Variants in SGIP1 observed in about 807,000 individuals in gnomAD.
The protein encoded by SGIP1 is SH3GL interacting endocytic adaptor 1, also known as SH3-containing GRB2-like protein 3-interacting protein 1.
A neutral mutation model predicts 107.5 loss-of-function variants in SGIP1; 38 were observed. The ratio of observed to expected loss-of-function variants is 0.35; its 90% CI spans 0.27 to 0.46. The LOEUF (loss-of-function observed/expected upper bound fraction) is 0.46, where lower values mean the gene tolerates loss of function less well. Ranked by LOEUF, SGIP1 falls within the 20% of genes least tolerant of loss-of-function variation. The pLI, the probability that SGIP1 is intolerant of heterozygous loss-of-function variation, is 1.00. For synonymous variants in SGIP1, 365 were observed against 366.1 expected (o/e 1.00, Z 0.03); for missense variants, 929 against 1,019.5 (o/e 0.91, Z 1.21).
chr1:66,711,805 A>G (rs603750), intron 18 of SGIP1, among the ~76,000 whole-genome samples: 88,882 of 150,184 alleles, frequency 0.59, 26,925 homozygotes, highest in East Asian at 1. Context: ...TTGTGTTTTC[A>G]GGGTGACTGT....
At position 66,677,106 on chromosome 1, in the gene SGIP1, G is replaced by A; in HGVS notation, c.739+10G>A. ...CCTTTTCCCACTGGAAGTAAGTTAT[G>A]TGTCTGCTCTGTCTGGAAAAATAAG... On this transcript the variant is annotated intron_variant, in intron 13 of 24. Coordinates refer to ENST00000371037, the MANE Select transcript of SGIP1 (RefSeq NM_032291.4). 5 of 1,605,364 alleles carry A rather than the reference G, an allele frequency of 3.1e-6. No homozygotes were observed. Among genetic ancestry groups the A allele is most frequent in the South Asian group, 1.1e-5 (1 of 90,364 alleles).
rs540411790 is a variant in SGIP1 at position 66,733,687 on chromosome 1, C to T, written c.1899-61C>T. On this transcript the variant is annotated intron_variant, in intron 20 of 24. Transcript: ENST00000371037. ...CAGACGACAATTTGCTAAGATGCTT[C>T]GTGTAGGGTTTATATTTGTTTTAAG... 2.7e-3 allele frequency: 4,198 copies of T among 1,545,946 alleles called. 7 individuals are homozygous for T. Among genetic ancestry groups the T allele is most frequent in the Non-Finnish European group, 3.4e-3 (3,876 of 1,142,092 alleles).
chr1:66,547,372 A>G (rs11208905), intron 1 of SGIP1, among the ~76,000 whole-genome samples: 22,026 of 152,228 alleles, frequency 0.14, 2,069 homozygotes, highest in East Asian at 0.43. Flanking sequence ...TGCAGTTTAA[A>G]GTGTGTTCAA....
At chr1:66,605,117 C>T (rs2066578103) in intron 1 of SGIP1, among the ~76,000 whole-genome samples, 1 of 152,176 alleles carries the variant, frequency 6.6e-6, no homozygotes, top group Admixed American at 6.5e-5. Flanking sequence ...GAAGTCCAAG[C>T]CACTTCCATG....
At chr1:66,717,794 T>A (rs2093327867) in intron 18 of SGIP1, among the ~76,000 whole-genome samples, 2 of 152,180 alleles carry the variant, frequency 1.3e-5, no homozygotes, top group Non-Finnish European at 1.5e-5. Context: ...CAACATTCAC[T>A]TCATACATTT....
In SGIP1 at chr1:66,671,985, G is replaced by C; in HGVS notation, c.550G>C (p.Glu184Gln). Residue 184 changes from glutamate (E) to glutamine (Q), a missense_variant, in exon 11 of 25, where the codon GAA becomes CAA. By Grantham distance (29) the Glu-to-Gln change is conservative (BLOSUM62 2). Coordinates refer to ENST00000371037, the MANE Select transcript of SGIP1 (RefSeq NM_032291.4). ...ARPRRSTPTP[E>Q]LISKKPPDDT... ...ACCCAGGCGTTCCACACCAACTCCA[G>C]AACTTATAAGGTGAGTGTGAAAGAC... 6.2e-7 allele frequency: 1 copy of C among 1,614,012 alleles called. No homozygotes were observed. The highest frequency in any genetic ancestry group is 1.6e-4 in the Middle Eastern group (1 of 6,062).
chr1:66,638,846 C>A lies in SGIP1; in HGVS notation c.172-931C>A, dbSNP rs148832740. On this transcript the variant is annotated intron_variant, in intron 4 of 24. Coordinates refer to ENST00000371037, the MANE Select transcript of SGIP1 (RefSeq NM_032291.4). ...AGAGGTCCTGTGTCCAAGCCTCATG[C>A]GTCACCATTTGATGTGTGTTGTTCT... Among the ~76,000 whole-genome samples, 34 of 152,280 alleles carry A rather than the reference C, an allele frequency of 2.2e-4. No individual in the cohort carries two copies. The East Asian group carries it at 2.7e-3, about 12-fold the overall frequency.
At chr1:66,682,405 G>A (rs1047909150) in intron 15 of SGIP1, 36 bp downstream of exon 15, 3 of 1,574,358 alleles carry the variant, frequency 1.9e-6, no homozygotes, top group Non-Finnish European at 1.7e-6. Context: ...CTTGTGACGG[G>A]GAATGGCCAT....
At chr1:66,635,851 T>G (rs573379847) in intron 3 of SGIP1, 93 bp from the exon 4 acceptor site, 1 of 1,300,054 alleles carries the variant, frequency 7.7e-7, no homozygotes, top group Non-Finnish European at 1.1e-6. Flanking sequence ...TTCTATGGTA[T>G]GTTTGCTGAC....
intron 1 of SGIP1, among the ~76,000 whole-genome samples, chr1:66,579,261 A>G (rs114076932): frequency 0.033 from 4,973 of 152,264 alleles, 161 homozygotes; most frequent in Admixed American, 0.092. Flanking sequence ...AGCTACATGT[A>G]CTCAGCCTCA....
chr1:66,670,310 G>T (rs149806330), intron 9 of SGIP1, among the ~76,000 whole-genome samples: 37 of 152,318 alleles, frequency 2.4e-4, no homozygotes, highest in African/African-American at 8.2e-4. Context: ...GACCTGCTCA[G>T]ATTATTCCTA....
Position 66,633,069 on chromosome 1 carries a change from G to A in SGIP1, c.75-1G>A. 6.5e-7 allele frequency: 1 copy of A among 1,536,902 alleles called. No homozygotes were observed. The highest frequency in any genetic ancestry group is 9.0e-7 in the Non-Finnish European group (1 of 1,111,396). On this transcript the variant is annotated splice_acceptor_variant, in intron 2 of 24. Transcript: ENST00000371037. LOFTEE classifies it high-confidence loss of function. ...TAGCTATCAATTTCTTTTTGTTACAGAGGTTCACCAGATAGAGATGGAATT... is the reference window on the plus strand; with the variant it reads ...TAGCTATCAATTTCTTTTTGTTACAAAGGTTCACCAGATAGAGATGGAATT...
In SGIP1 at chr1:66,679,176, C is replaced by A. The variant is rs140653590; in HGVS notation, c.740-502C>A. Among the ~76,000 whole-genome samples, 450 of 152,290 alleles carry A rather than the reference C, an allele frequency of 3.0e-3. 2 individuals are homozygous for A. The highest frequency in any genetic ancestry group is 0.01 in the African/African-American group (427 of 41,554). Reference sequence around the variant, plus strand: ...TTTAAGAAATATAATTTTGAGAAATCTTTCCCAACTCAATCTGGACACTAA... The same window carrying A: ...TTTAAGAAATATAATTTTGAGAAATATTTCCCAACTCAATCTGGACACTAA... On this transcript the variant is annotated intron_variant, in intron 13 of 24. Transcript: ENST00000371037.
intron 1 of SGIP1, among the ~76,000 whole-genome samples, chr1:66,555,323 T>C (rs2058028737): frequency 1.3e-5 from 2 of 152,090 alleles, no homozygotes; most frequent in Non-Finnish European, 2.9e-5. Context: ...ACAGAACCTA[T>C]CCAAAATATA....
chr1:66,726,586 A>G (rs2093768438), intron 19 of SGIP1, among the ~76,000 whole-genome samples: 1 of 152,240 alleles, frequency 6.6e-6, no homozygotes, highest in South Asian at 2.1e-4. Context: ...TGACTCACAC[A>G]GATAAGGGCA....
chr1:66,746,716 A>G lies in SGIP1; in HGVS notation c.*3621A>G, dbSNP rs2094557608. 1 of 152,136 alleles carries G rather than the reference A, an allele frequency of 6.6e-6. No individual in the cohort carries two copies. Among genetic ancestry groups the G allele is most frequent in the African/African-American group, 2.4e-5 (1 of 41,460 alleles). The allele number at this position is 152,136 out of a possible 1,614,324, so 9.4% of individuals were successfully genotyped here. A position where few individuals can be genotyped will look rare whatever the true frequency, so the allele number is the denominator to read the frequency against. On this transcript the variant is annotated 3_prime_UTR_variant, in exon 25 of 25. Transcript: ENST00000371037. The stretch of plus-strand genomic sequence containing the variant: ...CCAAAATGACACGGCAGCTGAAAGT[A>G]ACCCAGCTATTCTGACTGCAAAGGA...
intron 1 of SGIP1, among the ~76,000 whole-genome samples, chr1:66,609,136 C>A (rs984842148): frequency 1.3e-5 from 2 of 151,250 alleles, no homozygotes; most frequent in African/African-American, 4.9e-5. Context: ...CTAGGATCAC[C>A]AATGGGCACA....
intron 18 of SGIP1, among the ~76,000 whole-genome samples, chr1:66,699,087 T>C (rs1406206900): frequency 6.6e-6 from 1 of 152,024 alleles, no homozygotes; most frequent in East Asian, 1.9e-4. Flanking sequence ...GCCACATCCC[T>C]AGCAGTACCC....
chr1:66,567,879 C>A (rs2059874261), intron 1 of SGIP1, among the ~76,000 whole-genome samples: 2 of 152,066 alleles, frequency 1.3e-5, no homozygotes, highest in South Asian at 4.1e-4. Context: ...GCTTTGGTAC[C>A]AGTACCATGC....
Sources: allele counts gnomAD v4.1 joint callset (sites outside exome capture counted in the v4.1 genomes callset), GRCh38; gene constraint gnomAD v4.1.1; transcripts MANE v1.5; gene names NCBI Gene and HGNC (gene_info 2026-07-23, HGNC 2026-07-21).